Variants in ANAPC10 observed in about 807,000 individuals in gnomAD.
The protein encoded by ANAPC10 is anaphase-promoting complex subunit 10.
Under a neutral mutation model 22.0 loss-of-function variants are expected in ANAPC10, and 12 were observed. The ratio of observed to expected loss-of-function variants is 0.55; its 90% CI spans 0.35 to 0.88. The LOEUF (loss-of-function observed/expected upper bound fraction) is 0.88. Among genes scored for constraint, ANAPC10 ranks in the 40% least tolerant of loss-of-function variants. The pLI is 0.01. For synonymous variants in ANAPC10, 65 were observed against 69.5 expected (o/e 0.94, Z 0.32); for missense variants, 188 against 220.9 (o/e 0.85, Z 0.94).
chr4:145,081,066 T>C (rs1312492208), intron 3 of ANAPC10, among the ~76,000 whole-genome samples: 1 of 151,860 alleles, frequency 6.6e-6, no homozygotes, highest in African/African-American at 2.4e-5. Context: ...AGGCCAGGAG[T>C]TCGAGACCAG....
intron 4 of ANAPC10, among the ~76,000 whole-genome samples, chr4:145,051,957 T>C (rs561958143): frequency 3.3e-5 from 5 of 152,250 alleles, no homozygotes; most frequent in Non-Finnish European, 5.9e-5. Flanking sequence ...TCCTACAAAA[T>C]TGAAAAACTG....
rs905963724 is a variant in ANAPC10, at chr4:145,064,572, C to A, written c.327G>T (p.Arg109=). Residue 109 remains arginine, a splice_region_variant and synonymous_variant, in exon 4 of 5, where the codon CGG becomes CGT. Coordinates refer to ENST00000507656, the MANE Select transcript of ANAPC10 (RefSeq NM_001256706.2). ...GNNFHNLQEI[R]QLELVEPSGW... The stretch of plus-strand genomic sequence containing the variant: ...ATTTTTAAAAATTTGAAAGACATAC[C>A]CGAATTTCTTGAAGGTTGTGAAAAT... 6.3e-6 allele frequency: 10 copies of A among 1,598,924 alleles called. No individual in the cohort carries two copies. The highest frequency in any genetic ancestry group is 8.5e-7 in the Non-Finnish European group (1 of 1,173,656).
intron 4 of ANAPC10, among the ~76,000 whole-genome samples, chr4:145,007,303 A>G (rs1409658159): frequency 6.6e-6 from 1 of 152,152 alleles, no homozygotes; most frequent in African/African-American, 2.4e-5. Context: ...ATAGACATCC[A>G]TAGAACTCTC....
intron 4 of ANAPC10, among the ~76,000 whole-genome samples, chr4:145,026,957 G>GTGTGTATATATATATATA (rs1343774253): frequency 1.6e-4 from 3 of 18,350 alleles, no homozygotes; most frequent in Non-Finnish European, 2.5e-4. Context: ...GTGTGTGTGT[G>GTGTGTATATATATATATA]TATATATATA....
intron 4 of ANAPC10, among the ~76,000 whole-genome samples, chr4:145,048,749 A>G (rs1740683050): frequency 1.3e-5 from 2 of 148,910 alleles, no homozygotes. Flanking sequence ...CCCCAATTTA[A>G]AAAAAAAAAG....
At chr4:145,081,440 A>G in intron 3 of ANAPC10, 1 of 374,964 alleles carries the variant, frequency 2.7e-6, no homozygotes, top group Non-Finnish European at 4.7e-6. Flanking sequence ...ACATAAAAGG[A>G]ACTATGCAAC....
chr4:145,024,148 T>C (rs890778875), intron 4 of ANAPC10, among the ~76,000 whole-genome samples: 4 of 152,218 alleles, frequency 2.6e-5, no homozygotes, highest in Non-Finnish European at 5.9e-5. Context: ...TTCAGTCACA[T>C]CTTTTAGGCT....
chr4:144,997,602 A>G (rs1336364773), intron 4 of ANAPC10, among the ~76,000 whole-genome samples: 2 of 152,242 alleles, frequency 1.3e-5, no homozygotes, highest in African/African-American at 4.8e-5. Flanking sequence ...GAAAGGAACA[A>G]CCAGTACCAG....
At chr4:145,003,302 G>A (rs182224207) in intron 4 of ANAPC10, among the ~76,000 whole-genome samples, 1 of 152,232 alleles carries the variant, frequency 6.6e-6, no homozygotes, top group African/African-American at 2.4e-5. Context: ...GGGCTTTTAG[G>A]TTGATTCCAT....
At chr4:145,088,376 T>C (rs1431740213) in intron 2 of ANAPC10, among the ~76,000 whole-genome samples, 2 of 152,190 alleles carry the variant, frequency 1.3e-5, no homozygotes, top group East Asian at 3.9e-4. Flanking sequence ...AGTCAATTGC[T>C]TACTAAACAT....
intron 4 of ANAPC10, among the ~76,000 whole-genome samples, chr4:145,003,175 T>C (rs1732837317): frequency 6.6e-6 from 1 of 152,216 alleles, no homozygotes; most frequent in Non-Finnish European, 1.5e-5. Context: ...TCCATCCATG[T>C]TGCTGTAAAG....
chr4:145,032,359 ATGGATCGGC>A (rs1737730122), intron 4 of ANAPC10, among the ~76,000 whole-genome samples: 1 of 152,226 alleles, frequency 6.6e-6, no homozygotes, highest in Non-Finnish European at 1.5e-5. Context: ...GCTGTAGCCA[ATGGATCGGC>A]TGGATGGTCA....
intron 4 of ANAPC10, chr4:145,063,902 A>C (rs891887793): frequency 5.3e-5 from 8 of 152,112 alleles, no homozygotes. Flanking sequence ...TGACATTGTA[A>C]AACAGGCAAT....
At chr4:145,020,795 C>A (rs1458295464) in intron 4 of ANAPC10, among the ~76,000 whole-genome samples, 1 of 151,490 alleles carries the variant, frequency 6.6e-6, no homozygotes, top group South Asian at 2.1e-4. Context: ...CAGCAACCAA[C>A]TAGAGAATCG....
At chr4:145,056,779 C>T (rs1479746339) in intron 4 of ANAPC10, among the ~76,000 whole-genome samples, 6 of 152,132 alleles carry the variant, frequency 3.9e-5, no homozygotes, top group Non-Finnish European at 8.8e-5. Context: ...AGGCTATATT[C>T]CCAGTATGTT....
chr4:145,043,762 A>G (rs1452709145), intron 4 of ANAPC10, among the ~76,000 whole-genome samples: 2 of 152,276 alleles, frequency 1.3e-5, no homozygotes, highest in African/African-American at 2.4e-5. Flanking sequence ...ATTACAAATG[A>G]AGGCTGATAT....
chr4:145,020,471 A>G (rs935129619), intron 4 of ANAPC10, among the ~76,000 whole-genome samples: 1 of 152,214 alleles, frequency 6.6e-6, no homozygotes, highest in Non-Finnish European at 1.5e-5. Flanking sequence ...CACAGCAAAT[A>G]TAATACTGAA....
At chr4:145,094,880 T>G (rs889639601) in intron 2 of ANAPC10, among the ~76,000 whole-genome samples, 14 of 151,826 alleles carry the variant, frequency 9.2e-5, no homozygotes, top group African/African-American at 3.4e-4. Flanking sequence ...ATTCATAAAT[T>G]TTTGAGAGAA....
At chr4:145,042,574 T>C (rs1739669768) in intron 4 of ANAPC10, among the ~76,000 whole-genome samples, 1 of 152,196 alleles carries the variant, frequency 6.6e-6, no homozygotes, top group Non-Finnish European at 1.5e-5. Flanking sequence ...AAGCCTTTTC[T>C]CTACTTTTTT....
Sources: gnomAD v4.1 joint callset for allele counts (sites outside exome capture counted in the v4.1 genomes callset) on GRCh38, gnomAD v4.1.1 for gene constraint, MANE v1.5 for transcripts, NCBI Gene and HGNC (gene_info 2026-07-23, HGNC 2026-07-21) for gene names.